Variants in TUT7 observed in about 807,000 individuals in gnomAD.
TUT7 encodes the protein terminal uridylyl transferase 7.
TUT7 carries 33 observed loss-of-function variants against 165.9 expected under a neutral mutation model. The ratio of observed to expected loss-of-function variants is 0.20; its 90% CI spans 0.15 to 0.27. The LOEUF (loss-of-function observed/expected upper bound fraction) is 0.27, where lower values mean the gene tolerates loss of function less well. Among genes scored for constraint, TUT7 ranks in the 10% least tolerant of loss-of-function variants. The probability of loss-of-function intolerance (pLI) is 1.00; values close to 1 mark genes in which losing one functional copy is unlikely to be tolerated. For missense variants in TUT7, 1,338 were observed against 1,762.3 expected (o/e 0.76, Z 4.31); for synonymous variants, 552 against 608.1 (o/e 0.91, Z 1.36).
intron 11 of TUT7, among the ~76,000 whole-genome samples, chr9:86,327,588 A>G (rs1460494483): frequency 6.6e-6 from 1 of 152,208 alleles, no homozygotes; most frequent in African/African-American, 2.4e-5. Context: ...TAAGAAACAG[A>G]TAAAAGTGGT....
At chr9:86,343,578 C>T (rs963167077) in intron 5 of TUT7, among the ~76,000 whole-genome samples, 9 of 152,036 alleles carry the variant, frequency 5.9e-5, no homozygotes, top group East Asian at 1.9e-4. Flanking sequence ...CTAATGCAAA[C>T]GTTTCTTTTC....
intron 22 of TUT7, among the ~76,000 whole-genome samples, chr9:86,306,265 T>C (rs1827466356): frequency 6.6e-6 from 1 of 152,188 alleles, no homozygotes; most frequent in African/African-American, 2.4e-5. Context: ...AAGTGGCATC[T>C]TCCACTTGCC....
intron 22 of TUT7, among the ~76,000 whole-genome samples, chr9:86,307,191 T>C (rs188020459): frequency 6.6e-6 from 1 of 152,058 alleles, no homozygotes; most frequent in African/African-American, 2.4e-5. Context: ...CAAGAATCAC[T>C]TGAACCCGGG....
intron 14 of TUT7, among the ~76,000 whole-genome samples, chr9:86,320,253 T>G (rs1441686276): frequency 7.3e-6 from 1 of 137,496 alleles, no homozygotes; most frequent in East Asian, 1.9e-4. Flanking sequence ...AAAAAAAAAT[T>G]TCCCAAAAAA....
intron 17 of TUT7, among the ~76,000 whole-genome samples, chr9:86,313,401 A>G (rs1057257913): frequency 2.6e-5 from 4 of 152,160 alleles, no homozygotes; most frequent in Non-Finnish European, 5.9e-5. Flanking sequence ...ATGGGAAGCT[A>G]GGGGTAGTAA....
At chr9:86,329,699 A>C (rs1830128089) in intron 10 of TUT7, among the ~76,000 whole-genome samples, 1 of 152,288 alleles carries the variant, frequency 6.6e-6, no homozygotes, top group South Asian at 2.1e-4. Context: ...TCTCCTGTTC[A>C]TAGTGGTTTC....
At chr9:86,336,661 A>G (rs557298676) in intron 10 of TUT7, among the ~76,000 whole-genome samples, 9 of 152,200 alleles carry the variant, frequency 5.9e-5, no homozygotes, top group Non-Finnish European at 1.0e-4. Flanking sequence ...CCAATGTGTC[A>G]AAGTAAGCTT....
chr9:86,298,744 TG>T (rs766462697), intron 26 of TUT7: 545 of 971,472 alleles, frequency 5.6e-4, no homozygotes, highest in African/African-American at 1.9e-3. Flanking sequence ...AACACACATT[TG>T]TTTTTTTTAA....
At chr9:86,344,799 A>G in intron 5 of TUT7, 178 bp downstream of exon 5, 1 of 598,084 alleles carries the variant, frequency 1.7e-6, no homozygotes, top group South Asian at 2.3e-5. Context: ...ATGACAATGC[A>G]TATGAAAGTC....
intron 24 of TUT7, among the ~76,000 whole-genome samples, chr9:86,303,849 T>C (rs1421784889): frequency 6.6e-6 from 1 of 152,210 alleles, no homozygotes; most frequent in Non-Finnish European, 1.5e-5. Flanking sequence ...TTCGAACAAG[T>C]TTCAGAAGCA....
At chr9:86,348,456 T>G (rs1043855428) in intron 2 of TUT7, among the ~76,000 whole-genome samples, 6 of 152,040 alleles carry the variant, frequency 3.9e-5, no homozygotes, top group Non-Finnish European at 8.8e-5. Flanking sequence ...AAATATAGAT[T>G]AAAATATGGA....
chr9:86,319,644 C>T lies in TUT7; in HGVS notation c.3055G>A (p.Asp1019Asn). ...YKDFSPTIIE[D>N]QAREHIRQNL... ...TGCCGAATATGTTCACGAGCCTGATCTTCTATAATTGTTGGAGAAAAATCC... is the reference window on the plus strand; with the variant it reads ...TGCCGAATATGTTCACGAGCCTGATTTTCTATAATTGTTGGAGAAAAATCC... Residue 1019 changes from aspartate to asparagine, a missense_variant, in exon 15 of 27, where the codon GAT becomes AAT. Asp to Asn is a conservative substitution (Grantham distance 23). Around this residue, in one of 7 missense-constraint regions of TUT7, gnomAD observed 425 missense variants for 474.9 expected, o/e 0.89. Transcript: ENST00000375963. 1 of 1,608,658 alleles carries T rather than the reference C, an allele frequency of 6.2e-7. No individual in the cohort carries two copies. The highest frequency in any genetic ancestry group is 8.5e-7 in the Non-Finnish European group (1 of 1,178,048).
Position 86,304,867 on chromosome 9 carries a change from G to T in TUT7, c.3967C>A (p.Pro1323Thr). The T allele has an allele frequency of 6.2e-7, 1 of 1,604,820 alleles. No homozygotes were observed. Among genetic ancestry groups the T allele is most frequent in the Non-Finnish European group, 8.5e-7 (1 of 1,175,420 alleles). Residue 1323 changes from proline (P) to threonine (T), a missense_variant, in exon 24 of 27, where the codon CCC becomes ACC. Transcript: ENST00000375963. The part of the protein sequence containing the change: ...IPVKGFPKDY[P>T]SKMEYFFDPD... ...TCCAACACACTTACCATTTTTGAGGGGTAGTCCTTTGGAAATCCCTTGACA... is the reference window on the plus strand; with the variant it reads ...TCCAACACACTTACCATTTTTGAGGTGTAGTCCTTTGGAAATCCCTTGACA...
intron 2 of TUT7, among the ~76,000 whole-genome samples, chr9:86,347,561 T>A (rs1447440964): frequency 6.6e-6 from 1 of 152,146 alleles, no homozygotes; most frequent in Non-Finnish European, 1.5e-5. Flanking sequence ...CCTCCAATTT[T>A]ATAAAAAGCT....
At position 86,323,972 on chromosome 9, in the gene TUT7, A is replaced by G. The variant is rs1564068581; in HGVS notation, c.1790-12T>C. The G allele has an allele frequency of 2.0e-6, 3 of 1,512,772 alleles. No individual in the cohort carries two copies. The highest frequency in any genetic ancestry group is 2.7e-6 in the Non-Finnish European group (3 of 1,128,644). The allele number at this position is 1,512,772 out of a possible 1,614,324, so 93.7% of individuals were successfully genotyped here. ...AACAGAGTAGGGATCTGTAATAAAAAAAAGAAAGAAAGAAAAATCCATCTC... is the reference window on the plus strand; with the variant it reads ...AACAGAGTAGGGATCTGTAATAAAAGAAAGAAAGAAAGAAAAATCCATCTC... On this transcript the variant is annotated splice_polypyrimidine_tract_variant and intron_variant, in intron 12 of 26. Transcript: ENST00000375963.
chr9:86,328,912 A>G (rs779773123), intron 10 of TUT7, among the ~76,000 whole-genome samples: 2 of 151,878 alleles, frequency 1.3e-5, no homozygotes, highest in Non-Finnish European at 2.9e-5. Flanking sequence ...GTTATGATAT[A>G]AAAAAAATGA....
rs569713465 is a variant in TUT7 at position 86,318,307 on chromosome 9, T to C, written c.3216+651A>G. Among the ~76,000 whole-genome samples, 5 of 152,332 alleles carry C rather than the reference T, an allele frequency of 3.3e-5. No individual in the cohort carries two copies. In the South Asian group the frequency reaches 1.0e-3, roughly 32 times the overall value. The stretch of plus-strand genomic sequence containing the variant: ...GGTCTCTTACAACTACTAAACTCTG[T>C]ACTTAAGAGTGAAGGCAGCCATAGA... On this transcript the variant is annotated intron_variant, in intron 16 of 26. Transcript: ENST00000375963.
At chr9:86,334,728 G>C (rs1564082603) in intron 10 of TUT7, among the ~76,000 whole-genome samples, 1 of 151,942 alleles carries the variant, frequency 6.6e-6, no homozygotes, top group Admixed American at 6.6e-5. Flanking sequence ...TTATACCCAG[G>C]GTTCTTTTTA....
chr9:86,288,821 CTTA>C (rs1587828127), intron 26 of TUT7, 77 bp from the exon 27 acceptor site: 19 of 1,171,820 alleles, frequency 1.6e-5, no homozygotes, highest in Non-Finnish European at 2.3e-5. Context: ...AAAATTACTT[CTTA>C]TTAAGTAGTC....
Sources: allele counts gnomAD v4.1 joint callset (sites outside exome capture counted in the v4.1 genomes callset), GRCh38; gene constraint gnomAD v4.1.1; regional missense constraint gnomAD v4.1.1; transcripts MANE v1.5; gene names NCBI Gene and HGNC (gene_info 2026-07-23, HGNC 2026-07-21).